Variants in CRYBG1 observed in about 807,000 individuals in gnomAD.
CRYBG1 encodes crystallin beta-gamma domain containing 1.
In CRYBG1, 139 loss-of-function variants were observed where a neutral mutation model predicts 189.2. That is an observed-to-expected ratio of 0.73 (90% CI 0.64 to 0.85). The LOEUF is 0.85. Among genes scored for constraint, CRYBG1 ranks in the 40% least tolerant of loss-of-function variants. The pLI, the probability that CRYBG1 is intolerant of heterozygous loss-of-function variation, is 0.00. For missense variants in CRYBG1, 2,611 were observed against 2,675.8 expected, an observed-to-expected ratio of 0.98 and a Z score of 0.53; for synonymous variants, 1,023 against 1,017.1, an observed-to-expected ratio of 1.01 and a Z score of -0.11.
chr6:106,429,767 A>C (rs114235563), intron 1 of CRYBG1, among the ~76,000 whole-genome samples: 4 of 152,276 alleles, frequency 2.6e-5, no homozygotes, highest in Non-Finnish European at 5.9e-5. Flanking sequence ...AAGTAATAAC[A>C]CCTATCTCAC....
At chr6:106,379,126 G>A (rs1293177070) in intron 1 of CRYBG1, among the ~76,000 whole-genome samples, 1 of 152,166 alleles carries the variant, frequency 6.6e-6, no homozygotes, top group African/African-American at 2.4e-5. Context: ...TTCAGCCTGG[G>A]CGATAGAGCC....
At chr6:106,410,254 C>A (rs549113423) in intron 1 of CRYBG1, among the ~76,000 whole-genome samples, 47 of 152,158 alleles carry the variant, frequency 3.1e-4, no homozygotes, top group African/African-American at 1.1e-3. Flanking sequence ...ATGTGGCCAA[C>A]AAACATGTGA....
chr6:106,541,094 T>G (rs990642960), intron 9 of CRYBG1: 8 of 341,154 alleles, frequency 2.3e-5, no homozygotes, highest in African/African-American at 1.7e-4. Context: ...GGTTGCAAAA[T>G]CAAATACCTT....
chr6:106,539,497 G>A lies in CRYBG1; in HGVS notation c.4813G>A (p.Ala1605Thr), dbSNP rs778430099. 1.1e-5 allele frequency: 17 copies of A among 1,613,504 alleles called. No homozygotes were observed. Among genetic ancestry groups the A allele is most frequent in the Non-Finnish European group, 1.4e-5 (17 of 1,179,728 alleles). The change falls in exon 9 of 22, where the codon GCG (alanine) becomes ACG (threonine). Residue 1605 changes from alanine to threonine, a missense_variant. Around this residue, in one of 3 missense-constraint regions of CRYBG1, gnomAD observed 1,622 missense variants for 1,735.0 expected, o/e 0.93. Coordinates refer to ENST00000633556, the MANE Select transcript of CRYBG1 (RefSeq NM_001371242.2). ...PDLSFWDTEE[A>T]YIGSMRPLKM... is the part of the protein sequence containing the mutation. ...CTTGTCCTTCTGGGATACAGAAGAA[G>A]CGTACATTGGATCCATGCGGCCTCT...
At position 106,519,981 on chromosome 6, in the gene CRYBG1, C is replaced by T; in HGVS notation, c.2773C>T (p.Leu925Phe). The T allele has an allele frequency of 6.2e-7, 1 of 1,614,178 alleles. No homozygotes were observed. Among genetic ancestry groups the T allele is most frequent in the Non-Finnish European group, 8.5e-7 (1 of 1,180,026 alleles). The change falls in exon 4 of 22, where the codon CTT becomes TTT. Residue 925 changes from leucine to phenylalanine, a missense_variant. Transcript: ENST00000633556. ...VSRQNNEKMP[L>F]LELGGETTPP... ...TCGTCAGAACAATGAGAAAATGCCA[C>T]TTTTAGAACTTGGAGGAGAAACAAC... is the stretch of plus-strand genomic sequence containing the variant.
chr6:106,487,160 A>G (rs1041596450), intron 2 of CRYBG1, among the ~76,000 whole-genome samples: 3 of 152,338 alleles, frequency 2.0e-5, no homozygotes, highest in Non-Finnish European at 4.4e-5. Flanking sequence ...AGCTGTTAAC[A>G]ACTTAACTTT....
At chr6:106,413,798 G>A (rs10457145) in intron 1 of CRYBG1, among the ~76,000 whole-genome samples, 12,058 of 152,178 alleles carry the variant, frequency 0.079, 631 homozygotes, top group East Asian at 0.15. Context: ...CAAAAGCCTC[G>A]TTTTTAAACA....
chr6:106,479,404 G>C (rs1374609699), intron 2 of CRYBG1, among the ~76,000 whole-genome samples: 1 of 152,150 alleles, frequency 6.6e-6, no homozygotes, highest in Non-Finnish European at 1.5e-5. Flanking sequence ...ATCCCACTGG[G>C]AGTTAAGCCT....
intron 2 of CRYBG1, among the ~76,000 whole-genome samples, chr6:106,489,787 C>CAAAAAAAA (rs10593320): frequency 1.2e-5 from 1 of 81,676 alleles, no homozygotes; most frequent in African/African-American, 4.1e-5. Flanking sequence ...ACTCTGTGTC[C>CAAAAAAAA]AAAAAAAAAA....
intron 1 of CRYBG1, among the ~76,000 whole-genome samples, chr6:106,381,599 GA>G (rs748454164): frequency 6.6e-6 from 1 of 152,236 alleles, no homozygotes; most frequent in Non-Finnish European, 1.5e-5. Flanking sequence ...CAGTAAAGGG[GA>G]AATTATAATG....
At chr6:106,377,888 G>A (rs1398482683) in intron 1 of CRYBG1, among the ~76,000 whole-genome samples, 6 of 151,964 alleles carry the variant, frequency 3.9e-5, no homozygotes, top group Admixed American at 1.3e-4. Context: ...AAAATTTATT[G>A]GTATAGAAAT....
chr6:106,496,415 A>G (rs1183487085), intron 2 of CRYBG1, among the ~76,000 whole-genome samples: 1 of 152,222 alleles, frequency 6.6e-6, no homozygotes, highest in East Asian at 1.9e-4. Context: ...CTGACAAATC[A>G]TCTTTACACT....
intron 1 of CRYBG1, among the ~76,000 whole-genome samples, chr6:106,432,856 T>G (rs1333376964): frequency 6.6e-6 from 1 of 150,396 alleles, no homozygotes; most frequent in Admixed American, 6.6e-5. Context: ...TTTTTTTTTT[T>G]TGAGACAGAG....
chr6:106,530,882 A>G (rs1773863536), intron 8 of CRYBG1, among the ~76,000 whole-genome samples: 1 of 152,246 alleles, frequency 6.6e-6, no homozygotes, highest in South Asian at 2.1e-4. Context: ...ACAAAGCCCC[A>G]AGGCATGTGA....
chr6:106,410,699 A>G (rs941901337), intron 1 of CRYBG1, among the ~76,000 whole-genome samples: 2 of 152,250 alleles, frequency 1.3e-5, no homozygotes, highest in Admixed American at 6.5e-5. Flanking sequence ...GGATGGGTTC[A>G]TGTTTTTTGC....
intron 1 of CRYBG1, among the ~76,000 whole-genome samples, chr6:106,409,038 G>T (rs1053471458): frequency 2.0e-5 from 3 of 152,202 alleles, no homozygotes; most frequent in Non-Finnish European, 4.4e-5. Flanking sequence ...TCAGGCAAGA[G>T]AAAGAAATAA....
intron 7 of CRYBG1, 77 bp from the exon 8 acceptor site, chr6:106,530,099 G>A: frequency 1.6e-6 from 2 of 1,255,428 alleles, no homozygotes; most frequent in South Asian, 3.7e-5. Flanking sequence ...TTAGTTGTAA[G>A]AAGAAGAAGA....
chr6:106,484,295 CTTTGTTTG>C (rs56791935), intron 2 of CRYBG1, among the ~76,000 whole-genome samples: 1 of 151,912 alleles, frequency 6.6e-6, no homozygotes, highest in Non-Finnish European at 1.5e-5. Flanking sequence ...CAGCTTTGTT[CTTTGTTTG>C]TTTGTTTAGA....
In CRYBG1 at chr6:106,519,401, G is replaced by T. The variant is rs1450643429; in HGVS notation, c.2193G>T (p.Lys731Asn). 1 of 1,614,100 alleles carries T rather than the reference G, an allele frequency of 6.2e-7. No individual in the cohort carries two copies. The highest frequency in any genetic ancestry group is 8.5e-7 in the Non-Finnish European group (1 of 1,180,022). The stretch of plus-strand genomic sequence containing the variant: ...CCAAAGAAATGGAGCAACCTGAAAA[G>T]AAAGTAATGCCAAACAGTCCCCAGA... Reference protein sequence around the residue: ...KKAKEMEQPEKKVMPNSPQNG... With the variant: ...KKAKEMEQPENKVMPNSPQNG... The change falls in exon 4 of 22, where the codon AAG becomes AAT. Residue 731 changes from lysine to asparagine, a missense_variant. Lys to Asn is a moderately conservative substitution (Grantham distance 94). Transcript: ENST00000633556.
Sources: allele counts gnomAD v4.1 joint callset (sites outside exome capture counted in the v4.1 genomes callset), GRCh38; gene constraint gnomAD v4.1.1; regional missense constraint gnomAD v4.1.1; transcripts MANE v1.5; gene names NCBI Gene and HGNC (gene_info 2026-07-23, HGNC 2026-07-21).